The following JOSD1 variants were observed in gnomAD, a reference collection of about 807,000 sequenced individuals.
JOSD1 encodes josephin-1.
Under a neutral mutation model 24.3 loss-of-function variants are expected in JOSD1, and 11 were observed. The observed-to-expected ratio is 0.45, with a 90% CI of 0.29 to 0.75. The LOEUF is 0.75. Ranked by LOEUF, JOSD1 falls within the 30% of genes least tolerant of loss-of-function variation. The probability of loss-of-function intolerance (pLI) is 0.11; values close to 1 mark genes in which losing one functional copy is unlikely to be tolerated. For synonymous variants in JOSD1, 106 were observed against 93.8 expected (o/e 1.13, Z -0.75); for missense variants, 184 against 253.5 (o/e 0.73, Z 1.86).
intron 4 of JOSD1, among the ~76,000 whole-genome samples, chr22:38,688,301 C>T (rs1189970286): frequency 1.3e-5 from 2 of 152,148 alleles, no homozygotes; most frequent in Admixed American, 6.5e-5. Flanking sequence ...TCGCTCTTGT[C>T]GCCTGGGCTG....
upstream of JOSD1, chr22:38,701,303 G>T (rs2092569986): frequency 6.6e-6 from 1 of 152,330 alleles, no homozygotes; most frequent in South Asian, 2.1e-4. Flanking sequence ...TTGTTTCGGG[G>T]CGGCAGCCAG....
At position 38,700,583 on chromosome 22, in the gene JOSD1, T is replaced by C. The variant is rs904494691; in HGVS notation, c.-596A>G. ...GTGGGGCCCGCAGGGCGCGGCTCCC[T>C]CGGAAGGCGCGGATTCTAGCCCTCT... On this transcript the variant is annotated 5_prime_UTR_variant, in exon 2 of 5. Transcript: ENST00000683374. The C allele has an allele frequency of 8.7e-5, 86 of 985,058 alleles. No individual in the cohort carries two copies. Among genetic ancestry groups the C allele is most frequent in the Middle Eastern group, 5.2e-4 (1 of 1,912 alleles). 61.0% of individuals were successfully genotyped at this position (985,058 alleles called of 1,614,324 possible).
rs778153828 is a variant in JOSD1 at position 38,699,856 on chromosome 22, G to C, written c.132C>G (p.Val44=). ...ELCALHALNN[V]FQDSNAFTRD... is the part of the protein sequence containing the mutation. Reference sequence around the variant, plus strand: ...GGGTGAAGGCATTGCTGTCCTGGAAGACGTTATTGAGGGCGTGGAGGGCAC... The same window carrying C: ...GGGTGAAGGCATTGCTGTCCTGGAACACGTTATTGAGGGCGTGGAGGGCAC... Residue 44 remains valine, a synonymous_variant, in exon 2 of 5, where the codon GTC becomes GTG. Coordinates refer to ENST00000683374, the MANE Select transcript of JOSD1 (RefSeq NM_001360236.2). 3.1e-6 allele frequency: 5 copies of C among 1,614,108 alleles called. No homozygotes were observed. The Admixed American group carries it at 6.7e-5, about 22-fold the overall frequency.
At chr22:38,692,976 T>TA (rs1352977377) in intron 2 of JOSD1, among the ~76,000 whole-genome samples, 1 of 152,044 alleles carries the variant, frequency 6.6e-6, no homozygotes, top group African/African-American at 2.4e-5. Context: ...TCTAACTCCC[T>TA]ACCAGGCTCA....
Position 38,697,190 on chromosome 22 carries a change from T to G in JOSD1, c.185+2613A>C, listed in dbSNP as rs550355413. On this transcript the variant is annotated intron_variant, in intron 2 of 4. Coordinates refer to ENST00000683374, the MANE Select transcript of JOSD1 (RefSeq NM_001360236.2). ...AGCTAGTCAATGTTTGTTTAAAAAA[T>G]TCCATCTTCTCTCCCTCACCTCTTC... is the stretch of plus-strand genomic sequence containing the variant. Among the ~76,000 whole-genome samples, 27 of 152,346 alleles carry G rather than the reference T, an allele frequency of 1.8e-4. No individual in the cohort carries two copies. The South Asian group carries it at 4.1e-3, about 23-fold the overall frequency.
chr22:38,699,766 T>C, intron 2 of JOSD1, 37 bp downstream of exon 2: 1 of 1,593,294 alleles, frequency 6.3e-7, no homozygotes, highest in Non-Finnish European at 8.6e-7. Flanking sequence ...AATCCAGAAA[T>C]ATCAGTATCA....
chr22:38,691,086 C>T (rs759335906), intron 2 of JOSD1, among the ~76,000 whole-genome samples: 15 of 151,892 alleles, frequency 9.9e-5, no homozygotes, highest in African/African-American at 1.7e-4. Context: ...TGCTCCTGGC[C>T]GGGAGTGGTG....
chr22:38,700,947 T>A (rs1224333853), upstream of JOSD1: 25 of 984,216 alleles, frequency 2.5e-5, no homozygotes, highest in Non-Finnish European at 7.2e-6. Flanking sequence ...AACTGGGCCG[T>A]GCGGGCGGGC....
chr22:38,692,827 A>C (rs2092529268), intron 2 of JOSD1, among the ~76,000 whole-genome samples: 1 of 151,720 alleles, frequency 6.6e-6, no homozygotes, highest in African/African-American at 2.4e-5. Context: ...AGAGAACAGA[A>C]CACATATGAA....
chr22:38,688,296 C>T (rs2092506896), intron 4 of JOSD1, among the ~76,000 whole-genome samples: 1 of 152,182 alleles, frequency 6.6e-6, no homozygotes, highest in Non-Finnish European at 1.5e-5. Context: ...GAGTTTCGCT[C>T]TTGTCGCCTG....
chr22:38,698,052 C>G (rs1285596394), intron 2 of JOSD1, among the ~76,000 whole-genome samples: 1 of 152,222 alleles, frequency 6.6e-6, no homozygotes, highest in Non-Finnish European at 1.5e-5. Flanking sequence ...TCACAAAGTA[C>G]TAAGCCATTG....
At chr22:38,692,606 C>G (rs1311887589) in intron 2 of JOSD1, among the ~76,000 whole-genome samples, 1 of 151,570 alleles carries the variant, frequency 6.6e-6, no homozygotes, top group East Asian at 1.9e-4. Flanking sequence ...TAGTGAAACC[C>G]CATCTCTACT....
chr22:38,687,641 T>A lies in JOSD1; in HGVS notation c.*261A>T, dbSNP rs1460471264. ...CTAGGATTCCCTCCCCGCTCCACTT[T>A]CTCCTCTGTCTCTTAAATAAAACAA... On this transcript the variant is annotated 3_prime_UTR_variant, in exon 5 of 5. Coordinates refer to ENST00000683374, the MANE Select transcript of JOSD1 (RefSeq NM_001360236.2). 2.3e-6 allele frequency: 1 copy of A among 431,770 alleles called. No individual in the cohort carries two copies. The highest frequency in any genetic ancestry group is 3.7e-5 in the East Asian group (1 of 26,984). The allele number at this position is 431,770 out of a possible 1,614,324, so 26.7% of individuals were successfully genotyped here. A position where few individuals can be genotyped will look rare whatever the true frequency, so the allele number is the denominator to read the frequency against.
chr22:38,695,444 GTTTTT>G (rs536648160), intron 2 of JOSD1, among the ~76,000 whole-genome samples: 3 of 114,770 alleles, frequency 2.6e-5, no homozygotes, highest in African/African-American at 6.3e-5. Flanking sequence ...TTTTTGCCTA[GTTTTT>G]TTTTTTTTTT....
Position 38,687,720 on chromosome 22 carries a change from G to A in JOSD1, c.*182C>T. 1 of 563,906 alleles carries A rather than the reference G, an allele frequency of 1.8e-6. No individual in the cohort carries two copies. The highest frequency in any genetic ancestry group is 3.2e-6 in the Non-Finnish European group (1 of 314,462). 34.9% of individuals were successfully genotyped at this position (563,906 alleles called of 1,614,324 possible). ...CAGAACTCCTACCTTCCTTGCCCAGGAACAAAACACTGAGTAGTTCTTATA... is the reference window on the plus strand; with the variant it reads ...CAGAACTCCTACCTTCCTTGCCCAGAAACAAAACACTGAGTAGTTCTTATA... On this transcript the variant is annotated 3_prime_UTR_variant, in exon 5 of 5. Coordinates refer to ENST00000683374, the MANE Select transcript of JOSD1 (RefSeq NM_001360236.2).
Position 38,700,522 on chromosome 22 carries a change from G to T in JOSD1, c.-535C>A, listed in dbSNP as rs1038873781. The T allele has an allele frequency of 1.0e-6, 1 of 986,002 alleles. No homozygotes were observed. The highest frequency in any genetic ancestry group is 1.7e-5 in the African/African-American group (1 of 57,240). 61.1% of individuals were successfully genotyped at this position (986,002 alleles called of 1,614,324 possible). On this transcript the variant is annotated 5_prime_UTR_variant, in exon 2 of 5. Transcript: ENST00000683374. ...AGGCGTGGGACCGCGAGCCGCGCGG[G>T]GGCCTCGGGGGCAGCCCTCCATCCC...
At position 38,686,949 on chromosome 22, in the gene JOSD1, G is replaced by T. The variant is rs1050369398; in HGVS notation, c.*953C>A. On this transcript the variant is annotated 3_prime_UTR_variant, in exon 5 of 5. Transcript: ENST00000683374. ...GAGTGAAGAAACCAAGCCACCCCATGGCTGTCCCAGGTTGGCTTTAGCCAC... is the reference window on the plus strand; with the variant it reads ...GAGTGAAGAAACCAAGCCACCCCATTGCTGTCCCAGGTTGGCTTTAGCCAC... 6.2e-4 allele frequency: 95 copies of T among 152,344 alleles called. 1 individual carries two copies. Among genetic ancestry groups the T allele is most frequent in the African/African-American group, 2.2e-3 (93 of 41,572 alleles). 9.4% of individuals were successfully genotyped at this position (152,344 alleles called of 1,614,324 possible).
chr22:38,698,519 T>C lies in JOSD1; in HGVS notation c.185+1284A>G, dbSNP rs1205562811. 4.6e-5 allele frequency among the ~76,000 whole-genome samples: 7 copies of C among 152,256 alleles called. No homozygotes were observed. In the East Asian group the frequency reaches 1.2e-3, roughly 25 times the overall value. ...TGTGGCAACAATTTCACTTCCAAGC[T>C]AAGAGAGTAAGAAAAAGGTCTTCTG... is the stretch of plus-strand genomic sequence containing the variant. On this transcript the variant is annotated intron_variant, in intron 2 of 4. Transcript: ENST00000683374.
chr22:38,699,483 CTT>C (rs2092558406), intron 2 of JOSD1, among the ~76,000 whole-genome samples: 1 of 152,200 alleles, frequency 6.6e-6, no homozygotes, highest in Admixed American at 6.5e-5. Context: ...AGCTCCAAGT[CTT>C]GTTATCTTGG....
Sources: gnomAD v4.1 joint callset for allele counts (sites outside exome capture counted in the v4.1 genomes callset) on GRCh38, gnomAD v4.1.1 for gene constraint, MANE v1.5 for transcripts, NCBI Gene and HGNC (gene_info 2026-07-23, HGNC 2026-07-21) for gene names.